The following FAM91A1 variants were observed in gnomAD, a reference collection of about 807,000 sequenced individuals.
FAM91A1 encodes the protein protein FAM91A1.
In FAM91A1, 41 loss-of-function variants were observed where a neutral mutation model predicts 113.5. The observed-to-expected ratio is 0.36, with a 90% CI of 0.28 to 0.47. The LOEUF is 0.47. Ranked by LOEUF, FAM91A1 falls within the 20% of genes least tolerant of loss-of-function variation. The pLI is 1.00. For missense variants in FAM91A1, 696 were observed against 1,001.2 expected (o/e 0.70, Z 4.11); for synonymous variants, 307 against 347.9 (o/e 0.88, Z 1.31).
intron 18 of FAM91A1, among the ~76,000 whole-genome samples, chr8:123,801,498 A>G (rs944390592): frequency 6.6e-6 from 1 of 152,256 alleles, no homozygotes; most frequent in Non-Finnish European, 1.5e-5. Flanking sequence ...TCGTCAGTTC[A>G]TCTAACAATT....
Position 123,787,825 on chromosome 8 carries a change from C to CA in FAM91A1, c.1278+76dup, listed in dbSNP as rs199673931. Reference sequence around the variant, plus strand: ...CTTGCTTGACAGAATGCCAATTATACAGTCTGTTGATTTGGATGGGCTTTC... The same window carrying CA: ...CTTGCTTGACAGAATGCCAATTATACAAGTCTGTTGATTTGGATGGGCTTTC... On this transcript the variant is annotated intron_variant, in intron 14 of 23. Coordinates refer to ENST00000334705, the MANE Select transcript of FAM91A1 (RefSeq NM_144963.4). The CA allele has an allele frequency of 4.1e-5, 49 of 1,187,800 alleles. No homozygotes were observed. The East Asian group carries it at 1.0e-3, about 25-fold the overall frequency. 73.6% of individuals were successfully genotyped at this position (1,187,800 alleles called of 1,614,324 possible). A position where few individuals can be genotyped will look rare whatever the true frequency, so the allele number is the denominator to read the frequency against.
At chr8:123,811,710 G>GTA (rs1480190059) in intron 23 of FAM91A1, among the ~76,000 whole-genome samples, 4 of 152,116 alleles carry the variant, frequency 2.6e-5, no homozygotes, top group Non-Finnish European at 5.9e-5. Flanking sequence ...GGCATACTGA[G>GTA]TATAGAGTGC....
rs1486404037 is a variant in FAM91A1 at position 123,777,323 on chromosome 8, G to C, written c.367+1G>C. The C allele has an allele frequency of 6.2e-7, 1 of 1,611,454 alleles. No individual in the cohort carries two copies. Among genetic ancestry groups the C allele is most frequent in the Non-Finnish European group, 8.5e-7 (1 of 1,178,622 alleles). ...TTGCCCAATTTTACTGCTGCTGACTGTAAGTATTTAATTGTGCTGAAGAAG... is the reference window on the plus strand; with the variant it reads ...TTGCCCAATTTTACTGCTGCTGACTCTAAGTATTTAATTGTGCTGAAGAAG... On this transcript the variant is annotated splice_donor_variant, in intron 4 of 23. Coordinates refer to ENST00000334705, the MANE Select transcript of FAM91A1 (RefSeq NM_144963.4). LOFTEE classifies it high-confidence loss of function.
intron 23 of FAM91A1, 145 bp from the exon 24 acceptor site, chr8:123,812,374 C>T (rs1005483065): frequency 3.6e-6 from 2 of 561,088 alleles, no homozygotes; most frequent in African/African-American, 3.9e-5. Flanking sequence ...GCTTTGGGCT[C>T]ACAGTGTAGA....
intron 20 of FAM91A1, among the ~76,000 whole-genome samples, chr8:123,807,499 A>G (rs1586396531): frequency 6.6e-6 from 1 of 151,446 alleles, no homozygotes; most frequent in South Asian, 2.1e-4. Flanking sequence ...AAAAAAAAAA[A>G]AAAGAAACAA....
intron 14 of FAM91A1, 121 bp from the exon 15 acceptor site, chr8:123,789,491 GC>G: frequency 1.4e-6 from 2 of 1,439,206 alleles, no homozygotes; most frequent in Non-Finnish European, 1.9e-6. Context: ...TTTCGGTATT[GC>G]CTGGGCAAAT....
rs895475591 is a variant in FAM91A1, at chr8:123,815,190, T to TC, written c.*2487dup. On this transcript the variant is annotated 3_prime_UTR_variant, in exon 24 of 24. Coordinates refer to ENST00000334705, the MANE Select transcript of FAM91A1 (RefSeq NM_144963.4). Reference sequence around the variant, plus strand: ...AATCAGATGATTTTATGTTTTTTTTTCAGGGGAGCGGAATATTGGTTTCTT... The same window carrying TC: ...AATCAGATGATTTTATGTTTTTTTTTCCAGGGGAGCGGAATATTGGTTTCTT... 7.9e-5 allele frequency: 12 copies of TC among 152,628 alleles called. No homozygotes were observed. The highest frequency in any genetic ancestry group is 2.9e-4 in the African/African-American group (12 of 41,452). The allele number at this position is 152,628 out of a possible 1,614,324, so 9.5% of individuals were successfully genotyped here. A position where few individuals can be genotyped will look rare whatever the true frequency, so the allele number is the denominator to read the frequency against.
At chr8:123,811,740 GA>G (rs1230323103) in intron 23 of FAM91A1, among the ~76,000 whole-genome samples, 1 of 152,192 alleles carries the variant, frequency 6.6e-6, no homozygotes, top group Non-Finnish European at 1.5e-5. Flanking sequence ...CATCTGAAAT[GA>G]AGTGTCAGAT....
At chr8:123,809,077 T>TA in intron 22 of FAM91A1, 61 bp downstream of exon 22, 1 of 1,580,694 alleles carries the variant, frequency 6.3e-7, no homozygotes, top group Non-Finnish European at 8.6e-7. Flanking sequence ...AGCAAATAGT[T>TA]ACCATATCTT....
Position 123,768,464 on chromosome 8 carries a change from T to A in FAM91A1, c.-239T>A. On this transcript the variant is annotated 5_prime_UTR_variant, in exon 1 of 24. Transcript: ENST00000334705. ...AGAGCCATTTCCGGCGGCCCGAAAC[T>A]AGGAAGAAACTTGGAGCTGTTCAGG... is the stretch of plus-strand genomic sequence containing the variant. 2.3e-6 allele frequency: 1 copy of A among 436,874 alleles called. No individual in the cohort carries two copies. The highest frequency in any genetic ancestry group is 3.7e-5 in the East Asian group (1 of 26,956). 27.1% of individuals were successfully genotyped at this position (436,874 alleles called of 1,614,324 possible).
chr8:123,772,669 C>T (rs1814882435), intron 1 of FAM91A1, among the ~76,000 whole-genome samples: 1 of 152,136 alleles, frequency 6.6e-6, no homozygotes, highest in African/African-American at 2.4e-5. Flanking sequence ...GTTGAAAATC[C>T]ATGTATAACT....
Position 123,780,106 on chromosome 8 carries a change from A to C in FAM91A1, c.640+31A>C, listed in dbSNP as rs1815084090. Reference sequence around the variant, plus strand: ...TGGTTAGTAGAAATGGTCTTTTGTCAACATAAAAACTTGTTTTAAACCATC... The same window carrying C: ...TGGTTAGTAGAAATGGTCTTTTGTCCACATAAAAACTTGTTTTAAACCATC... On this transcript the variant is annotated intron_variant, in intron 7 of 23. Coordinates refer to ENST00000334705, the MANE Select transcript of FAM91A1 (RefSeq NM_144963.4). The C allele has an allele frequency of 7.6e-6, 12 of 1,580,860 alleles. No homozygotes were observed. The East Asian group carries it at 2.7e-4, about 35-fold the overall frequency.
At position 123,813,460 on chromosome 8, in the gene FAM91A1, C is replaced by T. The variant is rs1816005638; in HGVS notation, c.*756C>T. 2 of 152,496 alleles carry T rather than the reference C, an allele frequency of 1.3e-5. No individual in the cohort carries two copies. Among genetic ancestry groups the T allele is most frequent in the South Asian group, 4.1e-4 (2 of 4,826 alleles). The allele number at this position is 152,496 out of a possible 1,614,324, so 9.4% of individuals were successfully genotyped here. On this transcript the variant is annotated 3_prime_UTR_variant, in exon 24 of 24. Transcript: ENST00000334705. ...TTATGGAAAAAATAGAATTTATTTT[C>T]CACTCTTGTAGCTATAGCTGCTGCA...
chr8:123,799,401 T>A, intron 16 of FAM91A1, 119 bp from the exon 17 acceptor site: 1 of 850,552 alleles, frequency 1.2e-6, no homozygotes, highest in Non-Finnish European at 1.7e-6. Context: ...TTAAAGTTAT[T>A]TTCTTGAGGA....
At chr8:123,810,248 G>C (rs1815918253) in intron 22 of FAM91A1, 34 bp from the exon 23 acceptor site, 1 of 1,571,020 alleles carries the variant, frequency 6.4e-7, no homozygotes, top group East Asian at 2.3e-5. Flanking sequence ...CTTTATGTTT[G>C]TTTTAAACTG....
At chr8:123,798,531 T>G (rs896342990) in intron 16 of FAM91A1, among the ~76,000 whole-genome samples, 10 of 152,178 alleles carry the variant, frequency 6.6e-5, no homozygotes, top group African/African-American at 1.7e-4. Flanking sequence ...TTTTGAGAGA[T>G]AAGATAAATT....
chr8:123,787,107 G>T (rs1434141113), intron 12 of FAM91A1, among the ~76,000 whole-genome samples, 154 bp from the exon 13 acceptor site: 3 of 152,130 alleles, frequency 2.0e-5, no homozygotes, highest in Non-Finnish European at 4.4e-5. Context: ...CTTCAAAATA[G>T]GTATGGCTGG....
chr8:123,814,188 T>A lies in FAM91A1; in HGVS notation c.*1484T>A. 2.6e-6 allele frequency: 1 copy of A among 391,836 alleles called. No individual in the cohort carries two copies. Among genetic ancestry groups the A allele is most frequent in the South Asian group, 1.9e-5 (1 of 51,448 alleles). 24.3% of individuals were successfully genotyped at this position (391,836 alleles called of 1,614,324 possible). A position where few individuals can be genotyped will look rare whatever the true frequency, so the allele number is the denominator to read the frequency against. On this transcript the variant is annotated 3_prime_UTR_variant, in exon 24 of 24. Coordinates refer to ENST00000334705, the MANE Select transcript of FAM91A1 (RefSeq NM_144963.4). Reference sequence around the variant, plus strand: ...GAAGGTAGAAACCATGTGTATGTTATGTTTGTCTATAAAAGAAAAAATACT... The same window carrying A: ...GAAGGTAGAAACCATGTGTATGTTAAGTTTGTCTATAAAAGAAAAAATACT...
chr8:123,790,216 G>A (rs1815350612), intron 15 of FAM91A1, among the ~76,000 whole-genome samples: 4 of 152,238 alleles, frequency 2.6e-5, no homozygotes. Flanking sequence ...TTTTTAAAGA[G>A]TAAAAGAAGT....
Sources: allele counts gnomAD v4.1 joint callset (sites outside exome capture counted in the v4.1 genomes callset), GRCh38; gene constraint gnomAD v4.1.1; transcripts MANE v1.5; gene names NCBI Gene and HGNC (gene_info 2026-07-23, HGNC 2026-07-21).